NCOA3: variants seen among roughly 807,000 people sequenced by gnomAD.
NCOA3 encodes nuclear receptor coactivator 3.
A neutral mutation model predicts 158.8 loss-of-function variants in NCOA3; 51 were observed. The observed-to-expected ratio is 0.32, with a 90% CI of 0.26 to 0.41. The LOEUF (loss-of-function observed/expected upper bound fraction) is 0.41. NCOA3 is among the 10% of genes least tolerant of loss of function. The probability of loss-of-function intolerance (pLI) is 1.00; values close to 1 mark genes in which losing one functional copy is unlikely to be tolerated. For synonymous variants in NCOA3, 537 were observed against 592.4 expected, an observed-to-expected ratio of 0.91 and a Z score of 1.36; for missense variants, 1,510 against 1,746.6, an observed-to-expected ratio of 0.86 and a Z score of 2.41.
At chr20:47,535,924 C>G (rs1236881353) in intron 1 of NCOA3, among the ~76,000 whole-genome samples, 1 of 152,118 alleles carries the variant, frequency 6.6e-6, no homozygotes, top group African/African-American at 2.4e-5. Context: ...CAGCTGGACT[C>G]TACTCCGACC....
intron 17 of NCOA3, among the ~76,000 whole-genome samples, chr20:47,644,721 G>A (rs983225359): frequency 1.3e-5 from 2 of 151,486 alleles, no homozygotes; most frequent in Non-Finnish European, 2.9e-5. Flanking sequence ...TTTTTGAGAC[G>A]GAGTCTCTCC....
intron 2 of NCOA3, among the ~76,000 whole-genome samples, chr20:47,612,053 C>T (rs1474637944): frequency 6.6e-6 from 1 of 152,100 alleles, no homozygotes; most frequent in Non-Finnish European, 1.5e-5. Flanking sequence ...TCTTGAAGTC[C>T]CGGGTTCAAG....
intron 2 of NCOA3, among the ~76,000 whole-genome samples, chr20:47,621,832 T>C (rs2086246068): frequency 6.6e-6 from 1 of 151,956 alleles, no homozygotes; most frequent in Non-Finnish European, 1.5e-5. Context: ...TTTTTATTTT[T>C]AGTAGAGACG....
chr20:47,588,201 C>A (rs550171504), intron 2 of NCOA3, among the ~76,000 whole-genome samples: 1 of 133,954 alleles, frequency 7.5e-6, no homozygotes, highest in South Asian at 2.4e-4. Flanking sequence ...GTGGTGCGAC[C>A]TTGGCTCACT....
At chr20:47,642,588 C>T (rs1035470435) in intron 17 of NCOA3, among the ~76,000 whole-genome samples, 3 of 152,094 alleles carry the variant, frequency 2.0e-5, no homozygotes, top group East Asian at 1.9e-4. Flanking sequence ...AATATACTTA[C>T]GATTGCGATA....
At chr20:47,530,988 G>A (rs1352881352) in intron 1 of NCOA3, among the ~76,000 whole-genome samples, 1 of 152,098 alleles carries the variant, frequency 6.6e-6, no homozygotes, top group South Asian at 2.1e-4. Context: ...TATCTACCCT[G>A]TTTCATCTTT....
rs574077498 is a variant in NCOA3, at chr20:47,656,093, G to A, written c.*2676G>A. 1 of 142,378 alleles carries A rather than the reference G, an allele frequency of 7.0e-6. No individual in the cohort carries two copies. The highest frequency in any genetic ancestry group is 2.2e-4 in the South Asian group (1 of 4,466). The allele number at this position is 142,378 out of a possible 1,614,324, so 8.8% of individuals were successfully genotyped here. A position where few individuals can be genotyped will look rare whatever the true frequency, so the allele number is the denominator to read the frequency against. On this transcript the variant is annotated 3_prime_UTR_variant, in exon 23 of 23. Coordinates refer to ENST00000371998, the MANE Select transcript of NCOA3 (RefSeq NM_181659.3). The stretch of plus-strand genomic sequence containing the variant: ...GGTGAACAGTATAATCTTTTCATCT[G>A]CTTTTAGAATGTGGGATATTTCCAG...
chr20:47,643,694 T>TA (rs2086645674), intron 17 of NCOA3, among the ~76,000 whole-genome samples: 1 of 152,142 alleles, frequency 6.6e-6, no homozygotes, highest in Non-Finnish European at 1.5e-5. Flanking sequence ...CAACTTCTAT[T>TA]AACTTCTTCA....
At chr20:47,559,354 G>A (rs2085063349) in intron 1 of NCOA3, among the ~76,000 whole-genome samples, 1 of 152,088 alleles carries the variant, frequency 6.6e-6, no homozygotes, top group Admixed American at 6.6e-5. Flanking sequence ...CCAAAAGACT[G>A]GCAGCTGGTG....
intron 17 of NCOA3, among the ~76,000 whole-genome samples, chr20:47,646,070 C>T (rs1001860443): frequency 8.5e-5 from 13 of 152,060 alleles, no homozygotes; most frequent in African/African-American, 1.2e-4. Flanking sequence ...TTTCAGGACC[C>T]CTGTGGATAC....
intron 2 of NCOA3, among the ~76,000 whole-genome samples, chr20:47,584,580 A>T (rs1002984149): frequency 6.6e-6 from 1 of 151,556 alleles, no homozygotes; most frequent in Non-Finnish European, 1.5e-5. Context: ...AGATCATGCT[A>T]CAGCACTCCA....
chr20:47,647,218 C>T lies in NCOA3; in HGVS notation c.3398C>T (p.Pro1133Leu), dbSNP rs1379420148. The change falls in exon 18 of 23, where the codon CCA (proline) becomes CTA (leucine). Residue 1133 changes from proline (P) to leucine (L), a missense_variant. By Grantham distance (98) the Pro-to-Leu change is moderately conservative. Coordinates refer to ENST00000371998, the MANE Select transcript of NCOA3 (RefSeq NM_181659.3). ...QGGFHLQGQS[P>L]SFNSMMNQMN... The stretch of plus-strand genomic sequence containing the variant: ...GGCTTTCATCTTCAGGGACAATCAC[C>T]ATCTTTTAACTCTATGATGAATCAG... The T allele has an allele frequency of 6.2e-7, 1 of 1,614,016 alleles. No homozygotes were observed. The highest frequency in any genetic ancestry group is 8.5e-7 in the Non-Finnish European group (1 of 1,180,038).
intron 8 of NCOA3, 41 bp downstream of exon 8, chr20:47,628,064 C>T (rs774632775): frequency 9.1e-6 from 13 of 1,435,646 alleles, no homozygotes; most frequent in Admixed American, 3.7e-5. Context: ...TCTGTGTATA[C>T]GTACATTTTT....
Position 47,558,062 on chromosome 20 carries a change from T to TG in NCOA3, c.-98-25121_-98-25120insG, listed in dbSNP as rs201196813. On this transcript the variant is annotated intron_variant, in intron 1 of 22. Transcript: ENST00000371998. ...TTCTCTTTGTCTAAATTTCTTTCTT[T>TG]TTTTTTTTTTTTGAGATGGAGTCTG... Among the ~76,000 whole-genome samples the TG allele has an allele frequency of 6.9e-3, 1,022 of 149,070 alleles. 17 individuals are homozygous for TG. The highest frequency in any genetic ancestry group is 0.024 in the African/African-American group (967 of 40,752).
chr20:47,655,977 T>TTATC lies in NCOA3; in HGVS notation c.*2562_*2565dup, dbSNP rs926256910. ...AATTTGTTTTTACCTGTATTGCCCT[T>TTATC]TATCTTTTTTAGGTAATTCTTTGTA... On this transcript the variant is annotated 3_prime_UTR_variant, in exon 23 of 23. Transcript: ENST00000371998. 4.6e-5 allele frequency: 7 copies of TTATC among 152,206 alleles called. No homozygotes were observed. Among genetic ancestry groups the TTATC allele is most frequent in the African/African-American group, 1.7e-4 (7 of 41,406 alleles). The allele number at this position is 152,206 out of a possible 1,614,324, so 9.4% of individuals were successfully genotyped here.
intron 1 of NCOA3, among the ~76,000 whole-genome samples, chr20:47,542,010 T>TTTTTTTGC: frequency 2.7e-5 from 2 of 73,882 alleles, no homozygotes; most frequent in African/African-American, 1.1e-4. Context: ...CCCTGTAGAG[T>TTTTTTTGC]TTTTTTTTTT....
At chr20:47,643,854 A>G (rs890102786) in intron 17 of NCOA3, among the ~76,000 whole-genome samples, 1 of 150,844 alleles carries the variant, frequency 6.6e-6, no homozygotes, top group Non-Finnish European at 1.5e-5. Context: ...TCTGGCATCT[A>G]GTGTGGCCAC....
intron 1 of NCOA3, among the ~76,000 whole-genome samples, chr20:47,572,196 A>T (rs566393634): frequency 6.6e-6 from 1 of 152,318 alleles, no homozygotes; most frequent in East Asian, 1.9e-4. Context: ...TTTCCAGTCC[A>T]TGAAAACATT....
chr20:47,599,316 C>T lies in NCOA3; in HGVS notation c.-20+16055C>T, dbSNP rs6018577. On this transcript the variant is annotated intron_variant, in intron 2 of 22. Coordinates refer to ENST00000371998, the MANE Select transcript of NCOA3 (RefSeq NM_181659.3). ...TCCTGAATAGGTAAATCCATAAAGA[C>T]GCAAATACGTAAGTGGTTGTCAAGG... Among the ~76,000 whole-genome samples the T allele has an allele frequency of 7.1e-3, 1,076 of 150,806 alleles. 18 individuals carry two copies. Among genetic ancestry groups the T allele is most frequent in the African/African-American group, 0.025 (1,016 of 40,926 alleles).
Sources: allele counts gnomAD v4.1 joint callset (sites outside exome capture counted in the v4.1 genomes callset), GRCh38; gene constraint gnomAD v4.1.1; transcripts MANE v1.5; gene names NCBI Gene and HGNC (gene_info 2026-07-23, HGNC 2026-07-21).